Variants in ELL observed in about 807,000 individuals in gnomAD.
ELL encodes RNA polymerase II elongation factor ELL.
A neutral mutation model predicts 64.0 loss-of-function variants in ELL; 18 were observed. The ratio of observed to expected loss-of-function variants is 0.28; its 90% CI spans 0.19 to 0.42. The LOEUF is 0.42. ELL is among the 10% of genes least tolerant of loss of function. ELL has a pLI of 1.00. For missense variants in ELL, 797 were observed against 870.4 expected, an observed-to-expected ratio of 0.92 and a Z score of 1.06; for synonymous variants, 399 against 376.2, an observed-to-expected ratio of 1.06 and a Z score of -0.70.
intron 1 of ELL, among the ~76,000 whole-genome samples, chr19:18,505,729 C>T (rs1014786621): frequency 6.6e-6 from 1 of 152,134 alleles, no homozygotes; most frequent in Non-Finnish European, 1.5e-5. Flanking sequence ...CGGGATGCGG[C>T]TTGTGTTCCC....
At chr19:18,514,047 G>A (rs1976081122) in intron 1 of ELL, among the ~76,000 whole-genome samples, 1 of 152,164 alleles carries the variant, frequency 6.6e-6, no homozygotes, top group Non-Finnish European at 1.5e-5. Flanking sequence ...CCTCAGTCAG[G>A]AGCCGTGTCT....
chr19:18,471,262 C>T (rs536556471), intron 2 of ELL: 1 of 364,806 alleles, frequency 2.7e-6, no homozygotes, highest in Non-Finnish European at 5.4e-6. Context: ...GTAGTCCCAA[C>T]TACTTGAGAA....
At chr19:18,458,546 G>C (rs1453180614) in intron 5 of ELL, among the ~76,000 whole-genome samples, 4 of 152,148 alleles carry the variant, frequency 2.6e-5, no homozygotes, top group Non-Finnish European at 2.9e-5. Context: ...GGGATAATGA[G>C]GGTCATGAAG....
intron 1 of ELL, among the ~76,000 whole-genome samples, chr19:18,511,814 T>A (rs2144977016): frequency 6.9e-6 from 1 of 145,044 alleles, no homozygotes; most frequent in Non-Finnish European, 1.5e-5. Flanking sequence ...AGCCCAGGAG[T>A]TCGAGACCAG....
At chr19:18,500,552 A>G (rs1379141342) in intron 1 of ELL, among the ~76,000 whole-genome samples, 1 of 152,210 alleles carries the variant, frequency 6.6e-6, no homozygotes, top group East Asian at 1.9e-4. Context: ...ACAAAAGGAG[A>G]GACGGGAACT....
chr19:18,509,269 C>G (rs1568399460), intron 1 of ELL, among the ~76,000 whole-genome samples: 2 of 152,064 alleles, frequency 1.3e-5, no homozygotes, highest in Non-Finnish European at 2.9e-5. Context: ...GTCACTCCCT[C>G]CAGGTGTAGG....
chr19:18,507,930 T>C (rs1012082469), intron 1 of ELL, among the ~76,000 whole-genome samples: 4 of 152,180 alleles, frequency 2.6e-5, no homozygotes, highest in African/African-American at 9.7e-5. Context: ...GCTGACTCCA[T>C]GCGGCAGCTG....
At chr19:18,476,342 T>C (rs369221973) in intron 1 of ELL, among the ~76,000 whole-genome samples, 9 of 152,330 alleles carry the variant, frequency 5.9e-5, no homozygotes, top group African/African-American at 2.2e-4. Context: ...AAAACAGTGA[T>C]GATGCTGAGG....
At chr19:18,515,043 C>T (rs964138861) in intron 1 of ELL, among the ~76,000 whole-genome samples, 3 of 152,216 alleles carry the variant, frequency 2.0e-5, no homozygotes, top group East Asian at 1.9e-4. Context: ...CGGCCTTGGC[C>T]GTGAGTCAAC....
chr19:18,483,991 C>T (rs554184404), intron 1 of ELL, among the ~76,000 whole-genome samples: 30 of 152,336 alleles, frequency 2.0e-4, no homozygotes, highest in African/African-American at 7.0e-4. Flanking sequence ...ATTATTCCAC[C>T]TTTTGCATCT....
chr19:18,521,126 G>A (rs987787285), intron 1 of ELL, among the ~76,000 whole-genome samples: 1 of 152,072 alleles, frequency 6.6e-6, no homozygotes, highest in Non-Finnish European at 1.5e-5. Flanking sequence ...GCGGCCAGAT[G>A]TGGTAGCCAG....
chr19:18,465,349 A>G, intron 4 of ELL, 63 bp downstream of exon 4: 2 of 1,531,770 alleles, frequency 1.3e-6, no homozygotes, highest in African/African-American at 1.4e-5. Context: ...GACAGGCCCC[A>G]AATGTCTCCC....
chr19:18,465,328 T>C, intron 4 of ELL, 84 bp downstream of exon 4: 1 of 1,497,228 alleles, frequency 6.7e-7, no homozygotes. Flanking sequence ...GCACAGCCAG[T>C]GCCCAGCCTG....
At chr19:18,511,033 T>C (rs1321946028) in intron 1 of ELL, among the ~76,000 whole-genome samples, 1 of 152,062 alleles carries the variant, frequency 6.6e-6, no homozygotes, top group Admixed American at 6.6e-5. Context: ...TTTGGGAGGC[T>C]GAGGCGGGCA....
chr19:18,509,299 G>A (rs1218113826), intron 1 of ELL, among the ~76,000 whole-genome samples: 6 of 151,910 alleles, frequency 3.9e-5, no homozygotes, highest in Non-Finnish European at 7.4e-5. Flanking sequence ...ATCCACAGCA[G>A]GAAGCTCATT....
intron 2 of ELL, among the ~76,000 whole-genome samples, chr19:18,471,978 T>C (rs1051355986): frequency 3.9e-5 from 6 of 152,062 alleles, no homozygotes; most frequent in Non-Finnish European, 8.8e-5. Flanking sequence ...CTTTTTTTTT[T>C]TGAGACAGAG....
intron 6 of ELL, 75 bp downstream of exon 6, chr19:18,458,130 C>A: frequency 1.3e-6 from 2 of 1,578,908 alleles, no homozygotes; most frequent in South Asian, 2.3e-5. Flanking sequence ...ACAAGACCAC[C>A]CCAGCATCCT....
chr19:18,464,607 C>T (rs1974897851), intron 4 of ELL, among the ~76,000 whole-genome samples: 1 of 152,106 alleles, frequency 6.6e-6, no homozygotes, highest in African/African-American at 2.4e-5. Flanking sequence ...GTGCTTTCTT[C>T]GGAAGGAGGA....
At chr19:18,462,518 G>C (rs1361880430) in intron 4 of ELL, among the ~76,000 whole-genome samples, 2 of 151,852 alleles carry the variant, frequency 1.3e-5, no homozygotes, top group Admixed American at 1.3e-4. Context: ...GGAGTAGCTG[G>C]GACCACAGGT....
Sources: gnomAD v4.1 joint callset for allele counts (sites outside exome capture counted in the v4.1 genomes callset) on GRCh38, gnomAD v4.1.1 for gene constraint, MANE v1.5 for transcripts, NCBI Gene and HGNC (gene_info 2026-07-23, HGNC 2026-07-21) for gene names.